The following ESYT3 variants were observed in gnomAD, a reference collection of about 807,000 sequenced individuals.
ESYT3 encodes the protein extended synaptotagmin-3.
Under a neutral mutation model 111.5 loss-of-function variants are expected in ESYT3, and 101 were observed. The ratio of observed to expected loss-of-function variants is 0.91; its 90% CI spans 0.77 to 1.07. ESYT3 has a LOEUF of 1.07. ESYT3 is among the 50% of genes least tolerant of loss of function. The probability of loss-of-function intolerance (pLI) is 0.00; values close to 1 mark genes in which losing one functional copy is unlikely to be tolerated. For missense variants in ESYT3, 1,097 were observed against 1,109.4 expected (o/e 0.99, Z 0.16); for synonymous variants, 416 against 446.8 (o/e 0.93, Z 0.87).
intron 3 of ESYT3, among the ~76,000 whole-genome samples, chr3:138,456,827 T>C (rs962978529): frequency 6.6e-6 from 1 of 152,114 alleles, no homozygotes; most frequent in African/African-American, 2.4e-5. Context: ...GGACCGTTGG[T>C]CTATGGGATG....
intron 8 of ESYT3, among the ~76,000 whole-genome samples, chr3:138,462,636 C>T (rs900618683): frequency 6.6e-6 from 1 of 152,196 alleles, no homozygotes; most frequent in African/African-American, 2.4e-5. Flanking sequence ...TACTCCCCAC[C>T]CTTCACTTAT....
chr3:138,452,192 T>C, intron 2 of ESYT3, 103 bp downstream of exon 2: 3 of 1,145,950 alleles, frequency 2.6e-6, no homozygotes, highest in Non-Finnish European at 3.8e-6. Flanking sequence ...GGCAATTTCC[T>C]TGCCTGACGC....
chr3:138,434,673 C>G lies in ESYT3; in HGVS notation c.-126C>G. 1 of 869,326 alleles carries G rather than the reference C, an allele frequency of 1.2e-6. No homozygotes were observed. The highest frequency in any genetic ancestry group is 1.7e-6 in the Non-Finnish European group (1 of 596,162). The allele number at this position is 869,326 out of a possible 1,614,324, so 53.9% of individuals were successfully genotyped here. A position where few individuals can be genotyped will look rare whatever the true frequency, so the allele number is the denominator to read the frequency against. On this transcript the variant is annotated 5_prime_UTR_variant, in exon 1 of 23. Coordinates refer to ENST00000389567, the MANE Select transcript of ESYT3 (RefSeq NM_031913.5). ...ACCCTGAGCTCGGCGCGCCGAGAGT[C>G]CCAGCAGGGCAAGGGGGCGCGGCGT...
rs1240449307 is a variant in ESYT3 at position 138,473,551 on chromosome 3, G to A, written c.2253G>A (p.Arg751=). The A allele has an allele frequency of 2.1e-5, 34 of 1,613,614 alleles. No homozygotes were observed. Among genetic ancestry groups the A allele is most frequent in the Non-Finnish European group, 2.9e-5 (34 of 1,179,630 alleles). Residue 751 remains arginine (R), a synonymous_variant, in exon 19 of 23, where the codon AGG becomes AGA. Coordinates refer to ENST00000389567, the MANE Select transcript of ESYT3 (RefSeq NM_031913.5). ...TTCTTTACAGAGGTGGGGACCTCAGGCGACGGCAGCTGGGTGAGATTCAGC... is the reference window on the plus strand; with the variant it reads ...TTCTTTACAGAGGTGGGGACCTCAGACGACGGCAGCTGGGTGAGATTCAGC... ...ISLNIEGGDL[R]RRQLGEIQLT...
chr3:138,450,804 G>A (rs546294181), intron 1 of ESYT3, among the ~76,000 whole-genome samples: 2 of 152,334 alleles, frequency 1.3e-5, no homozygotes, highest in Admixed American at 6.5e-5. Flanking sequence ...GTAGGTGTGC[G>A]AACTGCAGGG....
chr3:138,449,397 A>C (rs967556478), intron 1 of ESYT3, among the ~76,000 whole-genome samples: 1 of 151,822 alleles, frequency 6.6e-6, no homozygotes, highest in South Asian at 2.1e-4. Flanking sequence ...TGCTTCCTAC[A>C]TTTTCAGGAT....
chr3:138,469,130 G>A (rs116778817), intron 14 of ESYT3: 8,790 of 600,256 alleles, frequency 0.015, 104 homozygotes, highest in Non-Finnish European at 0.021. Context: ...GGGTCACACA[G>A]CTAAGAGGAG....
intron 1 of ESYT3, among the ~76,000 whole-genome samples, chr3:138,445,222 G>T (rs1344800494): frequency 6.6e-6 from 1 of 152,202 alleles, no homozygotes; most frequent in African/African-American, 2.4e-5. Context: ...TCCCAGCCTC[G>T]TGGGGAACTG....
At chr3:138,473,087 CTGGT>C in intron 18 of ESYT3, 1 of 1,405,812 alleles carries the variant, frequency 7.1e-7, no homozygotes, top group Non-Finnish European at 9.2e-7. Flanking sequence ...ATGCTGGACT[CTGGT>C]TGGTAAGGTC....
Position 138,434,864 on chromosome 3 carries a change from C to G in ESYT3, c.66C>G (p.Gly22=). The change falls in exon 1 of 23, where the codon GGC becomes GGG. Residue 22 remains glycine, a synonymous_variant. Transcript: ENST00000389567. ...PSALGAQRTP[G]PELRLSSQLL... ...CCCTGGGAGCCCAGCGCACGCCGGGCCCCGAGCTGCGCCTGTCCAGCCAGC... is the reference window on the plus strand; with the variant it reads ...CCCTGGGAGCCCAGCGCACGCCGGGGCCCGAGCTGCGCCTGTCCAGCCAGC... 3 of 1,549,572 alleles carry G rather than the reference C, an allele frequency of 1.9e-6. No individual in the cohort carries two copies. The highest frequency in any genetic ancestry group is 2.2e-4 in the Middle Eastern group (1 of 4,576).
chr3:138,473,177 GT>G, intron 18 of ESYT3: 1 of 1,247,990 alleles, frequency 8.0e-7, no homozygotes, highest in East Asian at 3.3e-5. Context: ...ATAAATGGCT[GT>G]CATTTATGAA....
In ESYT3 at chr3:138,472,706, C is replaced by T; in HGVS notation, c.2084C>T (p.Pro695Leu). ...PATIFLTVPG[P>L]HSPGPIKSPR... ...ACCATCTTCCTGACTGTCCCAGGTC[C>T]CCACTCTCCAGGGCCCATCAAGTCA... Residue 695 changes from proline (P) to leucine (L), a missense_variant, in exon 18 of 23, where the codon CCC (proline) becomes CTC (leucine). Pro to Leu is a moderately conservative substitution (Grantham distance 98). Coordinates refer to ENST00000389567, the MANE Select transcript of ESYT3 (RefSeq NM_031913.5). 1 of 1,614,206 alleles carries T rather than the reference C, an allele frequency of 6.2e-7. No individual in the cohort carries two copies. The highest frequency in any genetic ancestry group is 1.1e-5 in the South Asian group (1 of 91,088).
chr3:138,452,504 T>C (rs542321275), intron 2 of ESYT3, among the ~76,000 whole-genome samples: 14 of 152,232 alleles, frequency 9.2e-5, no homozygotes, highest in Non-Finnish European at 1.0e-4. Context: ...ATCCGTAAAA[T>C]GGGAATAATT....
chr3:138,444,904 C>T (rs983651987), intron 1 of ESYT3, among the ~76,000 whole-genome samples: 1 of 152,210 alleles, frequency 6.6e-6, no homozygotes, highest in African/African-American at 2.4e-5. Context: ...TAGTCAGGAA[C>T]CCCCGGAGGC....
At chr3:138,472,943 A>T (rs975988621) in intron 18 of ESYT3, 84 bp downstream of exon 18, 1 of 1,522,738 alleles carries the variant, frequency 6.6e-7, no homozygotes, top group African/African-American at 1.4e-5. Flanking sequence ...ATGAACTTAC[A>T]TTTCTGTGCA....
In ESYT3 at chr3:138,470,034, A is replaced by G. The variant is rs112637024; in HGVS notation, c.1504-26A>G. ...CAGCTCTGCCCAACCTAACCCTTCAATGATCTCTCCCTCTTCTGTTCCCAG... is the reference window on the plus strand; with the variant it reads ...CAGCTCTGCCCAACCTAACCCTTCAGTGATCTCTCCCTCTTCTGTTCCCAG... On this transcript the variant is annotated intron_variant, in intron 15 of 22. Coordinates refer to ENST00000389567, the MANE Select transcript of ESYT3 (RefSeq NM_031913.5). 6,024 of 1,600,668 alleles carry G rather than the reference A, an allele frequency of 3.8e-3. 14 individuals are homozygous for G. Among genetic ancestry groups the G allele is most frequent in the Non-Finnish European group, 4.2e-3 (4,876 of 1,170,432 alleles).
rs1278368934 is a variant in ESYT3 at position 138,472,755 on chromosome 3, C to A, written c.2133C>A (p.Ala711=). ...IKSPRPMKCP[A]SPFAWPPKRL... ...CACCCAGACCCATGAAATGCCCTGC[C>A]TCCCCATTCGCATGGCCGCCCAAGA... Residue 711 remains alanine (A), a synonymous_variant, in exon 18 of 23, where the codon GCC becomes GCA. Coordinates refer to ENST00000389567, the MANE Select transcript of ESYT3 (RefSeq NM_031913.5). The A allele has an allele frequency of 6.2e-7, 1 of 1,614,134 alleles. No individual in the cohort carries two copies. The highest frequency in any genetic ancestry group is 1.3e-5 in the African/African-American group (1 of 74,950).
intron 14 of ESYT3, among the ~76,000 whole-genome samples, 159 bp downstream of exon 14, chr3:138,469,040 A>G (rs2033084362): frequency 6.6e-6 from 1 of 152,188 alleles, no homozygotes. Context: ...GCCAGGCACT[A>G]GGCTTGGCAA....
rs2032362597 is a variant in ESYT3 at position 138,457,566 on chromosome 3, A to G, written c.505-2A>G. The G allele has an allele frequency of 2.5e-6, 4 of 1,614,002 alleles. No homozygotes were observed. Among genetic ancestry groups the G allele is most frequent in the Non-Finnish European group, 3.4e-6 (4 of 1,180,020 alleles). ...ACCTAGCCCTTTTGGCATTTCTTCCAGTGTCCCAGGGTCAACGGTGTCAAG... is the reference window on the plus strand; with the variant it reads ...ACCTAGCCCTTTTGGCATTTCTTCCGGTGTCCCAGGGTCAACGGTGTCAAG... On this transcript the variant is annotated splice_acceptor_variant, in intron 3 of 22. Transcript: ENST00000389567. LOFTEE classifies it high-confidence loss of function.
Sources: gnomAD v4.1 joint callset for allele counts (sites outside exome capture counted in the v4.1 genomes callset) on GRCh38, gnomAD v4.1.1 for gene constraint, MANE v1.5 for transcripts, NCBI Gene and HGNC (gene_info 2026-07-23, HGNC 2026-07-21) for gene names.